ARK2N: variants seen among roughly 807,000 people sequenced by gnomAD.
The protein encoded by ARK2N is protein ARK2N.
the ARK2N span, among the ~76,000 whole-genome samples, chr18:46,247,515 G>A: frequency 6.6e-6 from 1 of 152,192 alleles, no homozygotes; most frequent in Non-Finnish European, 1.5e-5. Flanking sequence ...AGGAGGAAGA[G>A]TTTGGTTATA....
the ARK2N span, among the ~76,000 whole-genome samples, chr18:46,175,079 C>T: frequency 2.0e-5 from 3 of 152,104 alleles, no homozygotes; most frequent in Admixed American, 6.6e-5. Flanking sequence ...ATCGCCTTTA[C>T]GCAAGCCATT....
the ARK2N span, among the ~76,000 whole-genome samples, chr18:46,207,934 A>G: frequency 1.3e-5 from 2 of 152,112 alleles, no homozygotes; most frequent in East Asian, 3.9e-4. Flanking sequence ...TCTTGATGTG[A>G]TCATTAGAAT....
the ARK2N span, among the ~76,000 whole-genome samples, chr18:46,176,287 T>A: frequency 6.6e-6 from 1 of 152,182 alleles, no homozygotes; most frequent in Non-Finnish European, 1.5e-5. Flanking sequence ...TTCTTCTTTC[T>A]AAAGTTTGGA....
the ARK2N span, among the ~76,000 whole-genome samples, chr18:46,234,582 A>G: frequency 1.3e-5 from 2 of 150,356 alleles, no homozygotes; most frequent in African/African-American, 4.9e-5. Flanking sequence ...GTAGGTCTTG[A>G]GTATTAAAAT....
chr18:46,199,482 ATTTT>A, the ARK2N span, among the ~76,000 whole-genome samples: 2,001 of 82,376 alleles, frequency 0.024, 49 homozygotes, highest in African/African-American at 0.076. Flanking sequence ...CACCCAGCTC[ATTTT>A]TTTTTTTTTT....
the ARK2N span, among the ~76,000 whole-genome samples, chr18:46,192,177 A>G: frequency 6.6e-6 from 1 of 152,220 alleles, no homozygotes. Flanking sequence ...CATAATTATA[A>G]CAGAAGCATC....
At chr18:46,238,832 TTG>T in the ARK2N span, among the ~76,000 whole-genome samples, 116 of 152,342 alleles carry the variant, frequency 7.6e-4, no homozygotes, top group Admixed American at 7.1e-3. Context: ...TAATACTTCA[TTG>T]TGTTACATTT....
chr18:46,244,658 A>G, the ARK2N span, among the ~76,000 whole-genome samples: 270 of 133,558 alleles, frequency 2.0e-3, 1 homozygote, highest in African/African-American at 7.2e-3. Flanking sequence ...CTGGAGTACA[A>G]TGGCACATTC....
chr18:46,184,373 C>T, the ARK2N span, among the ~76,000 whole-genome samples: 14 of 151,918 alleles, frequency 9.2e-5, no homozygotes, highest in East Asian at 1.9e-4. Flanking sequence ...CTGCCTGCCT[C>T]GGCCTCCCAA....
chr18:46,178,265 G>C, the ARK2N span, among the ~76,000 whole-genome samples: 1 of 152,194 alleles, frequency 6.6e-6, no homozygotes, highest in Non-Finnish European at 1.5e-5. Context: ...TTGGAGGAAA[G>C]AATTCCAGGT....
chr18:46,209,086 G>GT, the ARK2N span, among the ~76,000 whole-genome samples: 1 of 152,134 alleles, frequency 6.6e-6, no homozygotes. Flanking sequence ...GGGAGCTAGG[G>GT]TGTGTGTGGT....
chr18:46,191,552 A>G, the ARK2N span, among the ~76,000 whole-genome samples: 2 of 152,290 alleles, frequency 1.3e-5, no homozygotes, highest in East Asian at 1.9e-4. Flanking sequence ...CGGAGAGTCT[A>G]TGTTGAATAA....
chr18:46,188,126 G>T, the ARK2N span, among the ~76,000 whole-genome samples: 1 of 152,154 alleles, frequency 6.6e-6, no homozygotes, highest in African/African-American at 2.4e-5. Flanking sequence ...TGATGCCTTG[G>T]CAGATAATGT....
the ARK2N span, among the ~76,000 whole-genome samples, chr18:46,259,845 A>G: frequency 2.7e-5 from 4 of 146,062 alleles, no homozygotes; most frequent in Non-Finnish European, 6.0e-5. Context: ...CATGGTGCCC[A>G]GGCTGGTGTC....
chr18:46,249,473 C>G, the ARK2N span, among the ~76,000 whole-genome samples: 1 of 151,754 alleles, frequency 6.6e-6, no homozygotes, highest in Non-Finnish European at 1.5e-5. Context: ...ACCTCGTGAT[C>G]CACCCGCCTC....
chr18:46,189,339 C>T, the ARK2N span, among the ~76,000 whole-genome samples: 65,565 of 151,696 alleles, frequency 0.43, 16,143 homozygotes, highest in Middle Eastern at 0.56. Flanking sequence ...TGTAGATGTG[C>T]TTTTATTTAC....
the ARK2N span, among the ~76,000 whole-genome samples, chr18:46,212,737 T>C: frequency 6.6e-6 from 1 of 152,200 alleles, no homozygotes; most frequent in East Asian, 1.9e-4. Context: ...TGATGTGCCA[T>C]ATTGTCATTT....
the ARK2N span, among the ~76,000 whole-genome samples, chr18:46,184,344 G>A: frequency 1.3e-5 from 2 of 152,112 alleles, no homozygotes; most frequent in African/African-American, 4.8e-5. Context: ...GGCTGGTCTC[G>A]AATTCCTGAC....
At chr18:46,219,206 C>T in the ARK2N span, 4 of 152,112 alleles carry the variant, frequency 2.6e-5, no homozygotes, top group South Asian at 4.1e-4. Flanking sequence ...ATGTTTATGA[C>T]GATTTTTTAA....
Sources: gnomAD v4.1 joint callset for allele counts (sites outside exome capture counted in the v4.1 genomes callset) on GRCh38, gnomAD v4.1.1 for gene constraint, MANE v1.5 for transcripts, NCBI Gene and HGNC (gene_info 2026-07-23, HGNC 2026-07-21) for gene names.